SCEL: variants seen among roughly 807,000 people sequenced by gnomAD.
SCEL encodes the protein sciellin.
A neutral mutation model predicts 117.6 loss-of-function variants in SCEL; 113 were observed. The ratio of observed to expected loss-of-function variants is 0.96; its 90% CI spans 0.83 to 1.12. The LOEUF (loss-of-function observed/expected upper bound fraction) is 1.12. SCEL is among the 50% of genes most tolerant of loss of function. SCEL has a pLI of 0.00. For synonymous variants in SCEL, 270 were observed against 256.2 expected (o/e 1.05, Z -0.51); for missense variants, 785 against 810.8 (o/e 0.97, Z 0.39).
At chr13:77,601,984 C>A in intron 15 of SCEL, 81 bp from the exon 16 acceptor site, 2 of 1,077,402 alleles carry the variant, frequency 1.9e-6, no homozygotes, top group Non-Finnish European at 2.7e-6. Context: ...CTGCTGTTGT[C>A]ATTACGAGAG....
At chr13:77,631,227 T>C (rs1190810556) in intron 28 of SCEL, among the ~76,000 whole-genome samples, 3 of 152,338 alleles carry the variant, frequency 2.0e-5, no homozygotes, top group African/African-American at 2.4e-5. Flanking sequence ...TTTTGTTGGT[T>C]GCCAAAGTGT....
chr13:77,573,852 C>T (rs1173974989), intron 9 of SCEL, among the ~76,000 whole-genome samples: 1 of 152,134 alleles, frequency 6.6e-6, no homozygotes, highest in East Asian at 1.9e-4. Flanking sequence ...ACATGAACTG[C>T]CATGTATGAA....
intron 27 of SCEL, among the ~76,000 whole-genome samples, chr13:77,624,939 T>G (rs1358219011): frequency 1.3e-5 from 2 of 152,174 alleles, no homozygotes; most frequent in Non-Finnish European, 2.9e-5. Context: ...CCACAAATAT[T>G]TATGGAGCAG....
Position 77,608,075 on chromosome 13 carries a change from C to T in SCEL, c.1177C>T (p.Leu393Phe), listed in dbSNP as rs1210724959. The change falls in exon 20 of 33, where the codon CTC (leucine) becomes TTC (phenylalanine). Residue 393 changes from leucine to phenylalanine, a missense_variant. Coordinates refer to ENST00000349847, the MANE Select transcript of SCEL (RefSeq NM_144777.3). ...NITRGQSLDN[L>F]IKVTPEVKRS... is the part of the protein sequence containing the mutation. ...TTAAAGGGGCCAGAGCCTTGATAAT[C>T]TCATCAAAGTGACCCCTGAAGTAAA... The T allele has an allele frequency of 6.2e-7, 1 of 1,613,426 alleles. No individual in the cohort carries two copies. The highest frequency in any genetic ancestry group is 1.1e-5 in the South Asian group (1 of 90,974).
intron 9 of SCEL, among the ~76,000 whole-genome samples, chr13:77,588,506 A>T (rs1236303884): frequency 6.6e-6 from 1 of 152,166 alleles, no homozygotes; most frequent in Non-Finnish European, 1.5e-5. Flanking sequence ...TGCTGACTCC[A>T]TCCAAAATGT....
intron 4 of SCEL, among the ~76,000 whole-genome samples, chr13:77,560,361 T>C (rs2084912455): frequency 6.6e-6 from 1 of 151,972 alleles, no homozygotes; most frequent in Non-Finnish European, 1.5e-5. Flanking sequence ...TTGCCTGACC[T>C]TGGGACATTG....
intron 9 of SCEL, 133 bp downstream of exon 9, chr13:77,572,322 GA>G: frequency 1.4e-6 from 1 of 690,198 alleles, no homozygotes. Flanking sequence ...CTGTACAGGA[GA>G]GTGTCCAGTG....
intron 23 of SCEL, 78 bp from the exon 24 acceptor site, chr13:77,613,815 A>G (rs1179510204): frequency 2.8e-6 from 3 of 1,076,910 alleles, no homozygotes; most frequent in African/African-American, 3.1e-5. Flanking sequence ...CTAGGATTCT[A>G]TTGAATGACT....
At chr13:77,633,429 C>G (rs1052286915) in intron 28 of SCEL, among the ~76,000 whole-genome samples, 1 of 73,976 alleles carries the variant, frequency 1.4e-5, no homozygotes, top group Non-Finnish European at 2.4e-5. Flanking sequence ...GGCGACAGAG[C>G]GAGACTCCGC....
intron 11 of SCEL, among the ~76,000 whole-genome samples, chr13:77,593,300 G>GTGCGTC (rs1555510800): frequency 6.9e-6 from 1 of 145,148 alleles, no homozygotes; most frequent in African/African-American, 2.6e-5. Flanking sequence ...GTGTGTGTCT[G>GTGCGTC]TGTGTGTGTG....
intron 28 of SCEL, among the ~76,000 whole-genome samples, chr13:77,631,798 C>T (rs2090034040): frequency 6.6e-6 from 1 of 152,168 alleles, no homozygotes; most frequent in Admixed American, 6.5e-5. Flanking sequence ...ACATTATAAA[C>T]ACAACTGGGA....
At chr13:77,535,867 T>G (rs2083400915) in intron 1 of SCEL, 43 bp downstream of exon 1, 1 of 152,276 alleles carries the variant, frequency 6.6e-6, no homozygotes, top group African/African-American at 2.4e-5. Flanking sequence ...ATCTGCTGTA[T>G]GTGCACAGCT....
chr13:77,584,223 C>A (rs1254655098), intron 9 of SCEL, among the ~76,000 whole-genome samples: 2 of 152,194 alleles, frequency 1.3e-5, no homozygotes, highest in Non-Finnish European at 2.9e-5. Flanking sequence ...GCATTTTAAT[C>A]CCCCTGCTTG....
intron 22 of SCEL, among the ~76,000 whole-genome samples, chr13:77,610,449 CAAAAAAAAA>C (rs11356008): frequency 3.6e-4 from 40 of 112,518 alleles, no homozygotes; most frequent in Non-Finnish European, 5.9e-4. Flanking sequence ...AAGACTCCGT[CAAAAAAAAA>C]AAAAAAAAAA....
At chr13:77,545,694 A>T (rs909571256) in intron 1 of SCEL, among the ~76,000 whole-genome samples, 1 of 152,216 alleles carries the variant, frequency 6.6e-6, no homozygotes, top group Admixed American at 6.5e-5. Context: ...AAGAGGGGGC[A>T]TTAGGAGATG....
intron 30 of SCEL, 39 bp downstream of exon 30, chr13:77,637,233 C>T (rs1336294699): frequency 4.5e-6 from 4 of 898,266 alleles, no homozygotes; most frequent in South Asian, 1.6e-5. Context: ...AAAGTACACA[C>T]ATACAGACAC....
chr13:77,607,765 G>T (rs1485353414), intron 19 of SCEL, among the ~76,000 whole-genome samples: 1 of 152,172 alleles, frequency 6.6e-6, no homozygotes, highest in African/African-American at 2.4e-5. Flanking sequence ...TAAAATTATA[G>T]CATTTAGTGC....
intron 1 of SCEL, among the ~76,000 whole-genome samples, chr13:77,547,709 A>G (rs548580995): frequency 6.6e-6 from 1 of 152,324 alleles, no homozygotes; most frequent in African/African-American, 2.4e-5. Flanking sequence ...ATCAGACCCA[A>G]CATTCTGCCA....
chr13:77,549,399 G>A (rs147440417), intron 1 of SCEL, among the ~76,000 whole-genome samples: 92 of 152,260 alleles, frequency 6.0e-4, no homozygotes, highest in African/African-American at 2.1e-3. Flanking sequence ...TGAAATAACA[G>A]AGAACACACT....
Sources: gnomAD v4.1 joint callset for allele counts (sites outside exome capture counted in the v4.1 genomes callset) on GRCh38, gnomAD v4.1.1 for gene constraint, MANE v1.5 for transcripts, NCBI Gene and HGNC (gene_info 2026-07-23, HGNC 2026-07-21) for gene names.